Variants in UBIAD1 observed in about 807,000 individuals in gnomAD.
The protein encoded by UBIAD1 is ubiA prenyltransferase domain-containing protein 1.
A neutral mutation model predicts 20.1 loss-of-function variants in UBIAD1; 12 were observed. The ratio of observed to expected loss-of-function variants is 0.60; its 90% CI spans 0.38 to 0.97. UBIAD1 has a LOEUF of 0.97. UBIAD1 is among the 50% of genes least tolerant of loss of function. The pLI, the probability that UBIAD1 is intolerant of heterozygous loss-of-function variation, is 0.00. For synonymous variants in UBIAD1, 207 were observed against 189.2 expected, an observed-to-expected ratio of 1.09 and a Z score of -0.77; for missense variants, 333 against 419.5, an observed-to-expected ratio of 0.79 and a Z score of 1.80.
chr1:11,282,352 A>G (rs1328078961), intron 1 of UBIAD1, among the ~76,000 whole-genome samples: 2 of 152,144 alleles, frequency 1.3e-5, no homozygotes, highest in Admixed American at 1.3e-4. Flanking sequence ...GAATGCCTAA[A>G]AGGAAATTCC....
rs917716585 is a variant in UBIAD1 at position 11,288,058 on chromosome 1, T to A, written c.*1927T>A. 1 of 152,238 alleles carries A rather than the reference T, an allele frequency of 6.6e-6. No homozygotes were observed. The allele number at this position is 152,238 out of a possible 1,614,324, so 9.4% of individuals were successfully genotyped here. A position where few individuals can be genotyped will look rare whatever the true frequency, so the allele number is the denominator to read the frequency against. ...AGAGACAAGGGGAAGAAAGATGACC[T>A]TCTCCCCAGTCCTTCCCAGCACCAT... On this transcript the variant is annotated 3_prime_UTR_variant, in exon 2 of 2. Transcript: ENST00000376810.
downstream of UBIAD1, among the ~76,000 whole-genome samples, chr1:11,291,512 C>T (rs1404040562): frequency 6.7e-6 from 1 of 148,732 alleles, no homozygotes; most frequent in Admixed American, 6.9e-5. Flanking sequence ...GAGGCTGAGG[C>T]AGGAGAACTA....
At chr1:11,298,607 A>G (rs553841822), downstream of UBIAD1, among the ~76,000 whole-genome samples, 6 of 151,816 alleles carry the variant, frequency 4.0e-5, no homozygotes, top group South Asian at 6.2e-4. The surrounding 1 kb of genome is among the most constrained non-coding windows in gnomAD (Gnocchi z 4.0). Context: ...TAAATAAATA[A>G]AAGTTTCCCA....
Position 11,283,084 on chromosome 1 carries a change from A to G in UBIAD1, c.530-2560A>G, listed in dbSNP as rs948210645. On this transcript the variant is annotated intron_variant, in intron 1 of 1. Transcript: ENST00000376810. ...TCCATGTTGGTCAGGCTGGTCTCGAACCCCTGACCTCAGGTGATCCACCTG... is the reference window on the plus strand; with the variant it reads ...TCCATGTTGGTCAGGCTGGTCTCGAGCCCCTGACCTCAGGTGATCCACCTG... Among the ~76,000 whole-genome samples the G allele has an allele frequency of 3.3e-5, 5 of 149,746 alleles. No homozygotes were observed. In the South Asian group the frequency reaches 1.1e-3, roughly 32 times the overall value.
At chr1:11,290,062 T>C (rs1167038975), downstream of UBIAD1, among the ~76,000 whole-genome samples, 3 of 151,610 alleles carry the variant, frequency 2.0e-5, no homozygotes, top group Admixed American at 1.3e-4. Flanking sequence ...GACGGGGTTT[T>C]ACCATGTTGG....
At position 11,273,499 on chromosome 1, in the gene UBIAD1, T is replaced by A; in HGVS notation, c.-33T>A. The A allele has an allele frequency of 6.2e-7, 1 of 1,609,972 alleles. No individual in the cohort carries two copies. Among genetic ancestry groups the A allele is most frequent in the Non-Finnish European group, 8.5e-7 (1 of 1,179,990 alleles). On this transcript the variant is annotated 5_prime_UTR_variant, in exon 1 of 2. Coordinates refer to ENST00000376810, the MANE Select transcript of UBIAD1 (RefSeq NM_013319.3). The surrounding 1 kb of genome is among the most constrained non-coding windows in gnomAD (Gnocchi z 4.9). ...CGGGCGGTCACTGTGCGTGGCTCAC[T>A]TTTAGAGTTTACTTCAACCACGTGG...
downstream of UBIAD1, among the ~76,000 whole-genome samples, chr1:11,290,484 G>A (rs887567463): frequency 3.9e-5 from 6 of 152,172 alleles, no homozygotes; most frequent in African/African-American, 1.4e-4. Context: ...CAGTCTTGGA[G>A]CACTACCACT....
rs1394408632 is a variant in UBIAD1, at chr1:11,286,387, T to C, written c.*256T>C. On this transcript the variant is annotated 3_prime_UTR_variant, in exon 2 of 2. Coordinates refer to ENST00000376810, the MANE Select transcript of UBIAD1 (RefSeq NM_013319.3). ...AGGCGCATGGTCTTTGTTTTATTAA[T>C]AATTTCCACTAGAGGGTGTTCTCAG... The C allele has an allele frequency of 1.9e-6, 1 of 515,822 alleles. No individual in the cohort carries two copies. Among genetic ancestry groups the C allele is most frequent in the Non-Finnish European group, 3.4e-6 (1 of 290,192 alleles). The allele number at this position is 515,822 out of a possible 1,614,324, so 32.0% of individuals were successfully genotyped here.
At chr1:11,294,992 T>C in exon 2 of UBIAD1, 1 of 715,872 alleles carries the variant, frequency 1.4e-6, no homozygotes, top group South Asian at 1.5e-5. Context: ...CTGGCCACCT[T>C]CGAGGAGAGG....
intron 1 of UBIAD1, chr1:11,279,195 GC>G: frequency 4.3e-6 from 1 of 232,260 alleles, no homozygotes. Context: ...GTCCTTGGTG[GC>G]CCAATAATCA....
At chr1:11,295,158 A>G in exon 2 of UBIAD1, 1 of 526,620 alleles carries the variant, frequency 1.9e-6, no homozygotes, top group Non-Finnish European at 3.4e-6. Flanking sequence ...CAACGACCAC[A>G]GAACATCAAG....
chr1:11,294,819 A>G, intron 1 of UBIAD1: 1 of 717,418 alleles, frequency 1.4e-6, no homozygotes, highest in South Asian at 1.5e-5. Flanking sequence ...CTCAGGTTAA[A>G]TTTATGCTCC....
Position 11,273,794 on chromosome 1 carries a change from C to G in UBIAD1, c.263C>G (p.Ala88Gly), listed in dbSNP as rs1427915988. The change falls in exon 1 of 2, where the codon GCC becomes GGC. Residue 88 changes from alanine (A) to glycine (G), a missense_variant. By Grantham distance (60) the Ala-to-Gly change is moderately conservative. Coordinates refer to ENST00000376810, the MANE Select transcript of UBIAD1 (RefSeq NM_013319.3). This position sits in a 1 kb window ranked among gnomAD's most constrained non-coding sequence, Gnocchi z 4.9. ...GATCCCAGGCTCTTGGTGGGTTGTGCCGTGGCTGTCCTGGCTGTGCACGGG... is the reference window on the plus strand; with the variant it reads ...GATCCCAGGCTCTTGGTGGGTTGTGGCGTGGCTGTCCTGGCTGTGCACGGG... ...VLDPRLLVGCAVAVLAVHGAG... is the reference protein window; with the variant it reads ...VLDPRLLVGCGVAVLAVHGAG... The G allele has an allele frequency of 6.2e-7, 1 of 1,614,144 alleles. No homozygotes were observed. Among genetic ancestry groups the G allele is most frequent in the East Asian group, 2.2e-5 (1 of 44,890 alleles).
chr1:11,279,563 T>G (rs1652176086), intron 1 of UBIAD1, among the ~76,000 whole-genome samples: 2 of 152,124 alleles, frequency 1.3e-5, no homozygotes, highest in South Asian at 4.1e-4. Flanking sequence ...ATTACAGGCG[T>G]CTGCCACCAT....
downstream of UBIAD1, among the ~76,000 whole-genome samples, chr1:11,292,808 A>G (rs1638388946): frequency 6.6e-6 from 1 of 151,972 alleles, no homozygotes; most frequent in African/African-American, 2.4e-5. Context: ...ATGGACTGTC[A>G]GCCTCTTTCA....
At chr1:11,299,233 A>G (rs1051824732), downstream of UBIAD1, among the ~76,000 whole-genome samples, 1 of 152,218 alleles carries the variant, frequency 6.6e-6, no homozygotes, top group African/African-American at 2.4e-5. Context: ...CCACAGTCAC[A>G]GTGAGAGCCA....
In UBIAD1 at chr1:11,273,979, T is replaced by C; in HGVS notation, c.448T>C (p.Tyr150His). 6.2e-7 allele frequency: 1 copy of C among 1,614,240 alleles called. No individual in the cohort carries two copies. ...TLGCVCAACL[Y>H]YLSPLKLEHL... ...GGGCTGCGTCTGTGCCGCTTGCCTCTACTACCTGTCCCCTCTGAAACTGGA... is the reference window on the plus strand; with the variant it reads ...GGGCTGCGTCTGTGCCGCTTGCCTCCACTACCTGTCCCCTCTGAAACTGGA... Residue 150 changes from tyrosine to histidine, a missense_variant, in exon 1 of 2, where the codon TAC (tyrosine) becomes CAC (histidine). Physicochemically the swap from Tyr to His is moderately conservative, Grantham distance 83 (BLOSUM62 2). This residue lies in a region of UBIAD1 where 226 missense variants were observed against 263.5 expected (regional missense o/e 0.86). Transcript: ENST00000376810. The surrounding 1 kb of genome is among the most constrained non-coding windows in gnomAD (Gnocchi z 4.9).
intron 1 of UBIAD1, among the ~76,000 whole-genome samples, chr1:11,284,834 A>T (rs1638225055): frequency 6.6e-6 from 1 of 151,694 alleles, no homozygotes. Context: ...GGAGAGGGGG[A>T]GGGGTTATGA....
At chr1:11,288,842 G>A (rs1638315321), downstream of UBIAD1, among the ~76,000 whole-genome samples, 1 of 152,034 alleles carries the variant, frequency 6.6e-6, no homozygotes, top group Non-Finnish European at 1.5e-5. Context: ...AACCTAGCAG[G>A]TCGAGGCTGC....
Sources: allele counts gnomAD v4.1 joint callset (sites outside exome capture counted in the v4.1 genomes callset), GRCh38; gene constraint gnomAD v4.1.1; regional missense constraint gnomAD v4.1.1; non-coding constraint Gnocchi (gnomAD v3.1); transcripts MANE v1.5; gene names NCBI Gene and HGNC (gene_info 2026-07-23, HGNC 2026-07-21).